ATP6V1E1: variants seen among roughly 807,000 people sequenced by gnomAD.
ATP6V1E1 encodes the protein ATPase H+ transporting V1 subunit E1, also known as V-type proton ATPase subunit E 1.
Under a neutral mutation model 35.2 loss-of-function variants are expected in ATP6V1E1, and 21 were observed. The ratio of observed to expected loss-of-function variants is 0.60; its 90% confidence interval spans 0.42 to 0.86. The LOEUF (loss-of-function observed/expected upper bound fraction) is 0.86, where lower values mean the gene tolerates loss of function less well. Ranked by LOEUF, ATP6V1E1 falls within the 40% of genes least tolerant of loss-of-function variation. The probability of loss-of-function intolerance (pLI) is 0.00; values close to 1 mark genes in which losing one functional copy is unlikely to be tolerated. For missense variants in ATP6V1E1, 183 were observed against 272.6 expected (o/e 0.67, Z 2.32); for synonymous variants, 83 against 87.8 (o/e 0.95, Z 0.30).
At chr22:17,619,616 T>C (rs1374157775) in intron 1 of ATP6V1E1, 90 bp from the exon 2 acceptor site, 18 of 1,152,458 alleles carry the variant, frequency 1.6e-5, no homozygotes, top group Middle Eastern at 2.9e-4. Flanking sequence ...GTAGGTGCAG[T>C]GGCTCACGCC....
intron 2 of ATP6V1E1, among the ~76,000 whole-genome samples, chr22:17,618,187 C>T (rs2057856238): frequency 6.6e-6 from 1 of 152,210 alleles, no homozygotes; most frequent in African/African-American, 2.4e-5. Flanking sequence ...CTCTAGTCAC[C>T]TATCACAGTT....
chr22:17,616,296 C>T (rs994507004), intron 2 of ATP6V1E1, among the ~76,000 whole-genome samples: 11 of 151,552 alleles, frequency 7.3e-5, no homozygotes, highest in Middle Eastern at 6.9e-3. Context: ...TGTGGTGAGC[C>T]GACATTGCAC....
chr22:17,613,966 C>T (rs1265781416), intron 2 of ATP6V1E1, among the ~76,000 whole-genome samples: 3 of 144,656 alleles, frequency 2.1e-5, no homozygotes, highest in Admixed American at 2.1e-4. Context: ...AACTCTGTCT[C>T]AAAAAAAAAC....
chr22:17,598,438 A>C (rs1396606876), intron 6 of ATP6V1E1, 150 bp from the exon 7 acceptor site: 1 of 636,622 alleles, frequency 1.6e-6, no homozygotes, highest in Non-Finnish European at 2.8e-6. Context: ...CGGCACGGCC[A>C]CTGAGGAGAA....
rs573640161 is a variant in ATP6V1E1 at position 17,626,149 on chromosome 22, T to A, written c.33+2454A>T. ...GTGAAACCCCATCTCTAATAAAAAA[T>A]AGAAAAAATTAGCCAGGCGTGGTGG... On this transcript the variant is annotated intron_variant, in intron 1 of 8. Transcript: ENST00000253413. Among the ~76,000 whole-genome samples the A allele has an allele frequency of 2.5e-3, 381 of 150,816 alleles. 2 individuals are homozygous for A. The highest frequency in any genetic ancestry group is 8.6e-3 in the African/African-American group (353 of 41,104).
intron 3 of ATP6V1E1, 23 bp downstream of exon 3, chr22:17,613,188 T>C (rs373352619): frequency 3.1e-5 from 49 of 1,598,864 alleles, no homozygotes; most frequent in African/African-American, 3.0e-4. Flanking sequence ...CTTAGCTTAA[T>C]ACTGCAACCA....
rs377445796 is a variant in ATP6V1E1 at position 17,628,700 on chromosome 22, G to C, written c.-65C>G. On this transcript the variant is annotated 5_prime_UTR_variant, in exon 1 of 9. Coordinates refer to ENST00000253413, the MANE Select transcript of ATP6V1E1 (RefSeq NM_001696.4). ...TTTAGGTTTGAAAGGTGAGGTGAGA[G>C]AAATCGGCAAAGGGAACCCCTGCGC... is the stretch of plus-strand genomic sequence containing the variant. 1,002 of 1,606,606 alleles carry C rather than the reference G, an allele frequency of 6.2e-4. 1 individual carries two copies. The highest frequency in any genetic ancestry group is 8.0e-4 in the Non-Finnish European group (940 of 1,173,590).
At chr22:17,602,457 C>G (rs1054037508) in intron 4 of ATP6V1E1, among the ~76,000 whole-genome samples, 6 of 152,064 alleles carry the variant, frequency 3.9e-5, no homozygotes, top group Non-Finnish European at 7.4e-5. Flanking sequence ...TCACTGTAAC[C>G]TCTGCCTCCC....
chr22:17,605,229 G>A (rs1471391244), intron 4 of ATP6V1E1, among the ~76,000 whole-genome samples: 282 of 118,196 alleles, frequency 2.4e-3, no homozygotes, highest in Middle Eastern at 5.5e-3. Context: ...AAAAAGAAAA[G>A]AAAAGAAAAG....
chr22:17,628,460 A>G, intron 1 of ATP6V1E1, 143 bp downstream of exon 1: 1 of 1,165,664 alleles, frequency 8.6e-7, no homozygotes, highest in Non-Finnish European at 1.3e-6. Flanking sequence ...CCTCAGGCCG[A>G]CCTCTTGGAT....
chr22:17,613,151 G>T, intron 3 of ATP6V1E1, 60 bp downstream of exon 3: 6 of 1,441,922 alleles, frequency 4.2e-6, no homozygotes, highest in Non-Finnish European at 5.8e-6. Flanking sequence ...TGACTCCAAA[G>T]CGCCTGCTCA....
chr22:17,610,050 T>A (rs544271549), intron 4 of ATP6V1E1, among the ~76,000 whole-genome samples: 1 of 152,160 alleles, frequency 6.6e-6, no homozygotes, highest in South Asian at 2.1e-4. Flanking sequence ...AAGGACTGCT[T>A]GAGCCCAGGA....
intron 4 of ATP6V1E1, among the ~76,000 whole-genome samples, chr22:17,602,952 G>T (rs754994598): frequency 2.6e-5 from 4 of 151,872 alleles, no homozygotes; most frequent in Non-Finnish European, 4.4e-5. Context: ...TTATTTTAAA[G>T]AAACATTATT....
chr22:17,606,976 T>G (rs551637314), intron 4 of ATP6V1E1, among the ~76,000 whole-genome samples: 1 of 152,268 alleles, frequency 6.6e-6, no homozygotes, highest in Non-Finnish European at 1.5e-5. Flanking sequence ...GCTTCTCAGT[T>G]TTTTTGGCCC....
intron 2 of ATP6V1E1, among the ~76,000 whole-genome samples, chr22:17,614,290 C>T (rs948822150): frequency 2.7e-4 from 41 of 151,896 alleles, no homozygotes; most frequent in African/African-American, 9.4e-4. Flanking sequence ...GCGGAGGTTG[C>T]AGTGAGCCGA....
intron 4 of ATP6V1E1, among the ~76,000 whole-genome samples, chr22:17,605,827 T>A (rs889943043): frequency 9.9e-5 from 15 of 151,594 alleles, no homozygotes; most frequent in African/African-American, 3.1e-4. Context: ...CTGGCTACAT[T>A]TTTTTAATTT....
chr22:17,593,285 CA>C (rs1013813124), intron 8 of ATP6V1E1, among the ~76,000 whole-genome samples: 1 of 139,458 alleles, frequency 7.2e-6, no homozygotes, highest in Non-Finnish European at 1.5e-5. Flanking sequence ...AAAAACAAAA[CA>C]AAAAAAAACC....
At chr22:17,598,577 A>G (rs1210496441) in intron 6 of ATP6V1E1, among the ~76,000 whole-genome samples, 1 of 151,900 alleles carries the variant, frequency 6.6e-6, no homozygotes, top group Non-Finnish European at 1.5e-5. Flanking sequence ...GGAGGAAGAT[A>G]CATTATTCCC....
intron 1 of ATP6V1E1, among the ~76,000 whole-genome samples, chr22:17,623,366 C>T (rs1360037122): frequency 1.3e-5 from 2 of 152,104 alleles, no homozygotes; most frequent in African/African-American, 2.4e-5. Context: ...TCTCACTGAA[C>T]TTATTCTATC....
Sources: allele counts gnomAD v4.1 joint callset (sites outside exome capture counted in the v4.1 genomes callset), GRCh38; gene constraint gnomAD v4.1.1; transcripts MANE v1.5; gene names NCBI Gene and HGNC (gene_info 2026-07-23, HGNC 2026-07-21).